Variants in NALCN observed in about 807,000 individuals in gnomAD.
NALCN encodes sodium leak channel NALCN.
Under a neutral mutation model 225.3 loss-of-function variants are expected in NALCN, and 111 were observed. The ratio of observed to expected loss-of-function variants is 0.49; its 90% CI spans 0.42 to 0.58. NALCN has a LOEUF of 0.58. Ranked by LOEUF, NALCN falls within the 20% of genes least tolerant of loss-of-function variation. The pLI, the probability that NALCN is intolerant of heterozygous loss-of-function variation, is 0.00. For missense variants in NALCN, 1,378 were observed against 2,202.4 expected, an observed-to-expected ratio of 0.63 and a Z score of 7.49; for synonymous variants, 764 against 769.0, an observed-to-expected ratio of 0.99 and a Z score of 0.11.
At chr13:101,062,301 T>G (rs2032018513) in intron 40 of NALCN, among the ~76,000 whole-genome samples, 183 bp from the exon 41 acceptor site, 1 of 152,222 alleles carries the variant, frequency 6.6e-6, no homozygotes, top group Non-Finnish European at 1.5e-5. Flanking sequence ...TTCCCTCGTC[T>G]GTAAAACAAA....
chr13:101,094,260 G>A (rs1415081951), intron 28 of NALCN, among the ~76,000 whole-genome samples: 4 of 152,136 alleles, frequency 2.6e-5, no homozygotes, highest in Non-Finnish European at 4.4e-5. Context: ...CTGCTCTCCA[G>A]ATGGTGATGA....
chr13:101,118,963 G>C (rs1200413108), intron 18 of NALCN, among the ~76,000 whole-genome samples: 1 of 152,202 alleles, frequency 6.6e-6, no homozygotes, highest in African/African-American at 2.4e-5. Flanking sequence ...CGGAGCTGCA[G>C]AGAAATAATA....
At chr13:101,416,652 G>A (rs1213915877), upstream of NALCN, among the ~76,000 whole-genome samples, 1 of 152,240 alleles carries the variant, frequency 6.6e-6, no homozygotes, top group Non-Finnish European at 1.5e-5. Context: ...CACCGCAGAG[G>A]AGGCTGCGCC....
At chr13:101,070,923 C>T (rs774671162) in intron 37 of NALCN, among the ~76,000 whole-genome samples, 40 of 152,108 alleles carry the variant, frequency 2.6e-4, no homozygotes, top group Non-Finnish European at 1.2e-4. Context: ...TTTACAATCA[C>T]GGCGGAAGGG....
intron 18 of NALCN, among the ~76,000 whole-genome samples, chr13:101,122,102 A>G (rs1460100475): frequency 1.3e-5 from 2 of 152,150 alleles, no homozygotes; most frequent in Non-Finnish European, 2.9e-5. Flanking sequence ...GGATCACATT[A>G]TAATGCAGGT....
intron 39 of NALCN, 84 bp from the exon 40 acceptor site, chr13:101,065,645 T>A: frequency 6.7e-7 from 1 of 1,497,504 alleles, no homozygotes; most frequent in Non-Finnish European, 9.0e-7. Flanking sequence ...AAAAAGGTGC[T>A]ATTTCTCAAA....
At chr13:101,181,275 G>C (rs764859966) in intron 14 of NALCN, 18 of 518,844 alleles carry the variant, frequency 3.5e-5, no homozygotes, top group South Asian at 2.4e-4. Context: ...TTGGAGGCTG[G>C]AGAGGAAGGC....
At chr13:101,325,639 T>C (rs1485208130) in intron 7 of NALCN, among the ~76,000 whole-genome samples, 1 of 152,206 alleles carries the variant, frequency 6.6e-6, no homozygotes, top group Non-Finnish European at 1.5e-5. Flanking sequence ...AGGCTAGTGC[T>C]AGCTGCTTTC....
intron 3 of NALCN, among the ~76,000 whole-genome samples, chr13:101,391,053 G>A (rs1310379410): frequency 6.6e-6 from 1 of 151,572 alleles, no homozygotes; most frequent in Non-Finnish European, 1.5e-5. Context: ...AGAACTTAAA[G>A]TATAATAAAA....
intron 6 of NALCN, among the ~76,000 whole-genome samples, chr13:101,367,908 C>T (rs765551535): frequency 2.0e-5 from 3 of 151,914 alleles, no homozygotes; most frequent in Non-Finnish European, 4.4e-5. Flanking sequence ...TCTGCTTTCA[C>T]GGTTTGTCTT....
intron 6 of NALCN, among the ~76,000 whole-genome samples, chr13:101,368,007 T>TTTA (rs1347672081): frequency 6.6e-6 from 1 of 151,390 alleles, no homozygotes; most frequent in Non-Finnish European, 1.5e-5. Context: ...TTTATTTTAT[T>TTTA]TTATTATTAT....
At chr13:101,179,489 T>C (rs1433564939) in intron 14 of NALCN, among the ~76,000 whole-genome samples, 4 of 152,182 alleles carry the variant, frequency 2.6e-5, no homozygotes, top group African/African-American at 9.7e-5. Context: ...GCTGGAAACA[T>C]TATCTTGCTA....
Position 101,095,686 on chromosome 13 carries a change from G to T in NALCN, c.3163-6C>A. The T allele has an allele frequency of 1.2e-6, 2 of 1,604,308 alleles. No homozygotes were observed. Among genetic ancestry groups the T allele is most frequent in the African/African-American group, 1.3e-5 (1 of 74,518 alleles). Reference sequence around the variant, plus strand: ...AATATGCCATTGCAATCTTCCTAAAGTAGAAAAACAAGAGGAGAGGGGAAA... The same window carrying T: ...AATATGCCATTGCAATCTTCCTAAATTAGAAAAACAAGAGGAGAGGGGAAA... On this transcript the variant is annotated splice_polypyrimidine_tract_variant and splice_region_variant and intron_variant, in intron 27 of 43. Transcript: ENST00000251127.
intron 13 of NALCN, among the ~76,000 whole-genome samples, chr13:101,205,138 T>C (rs1026813874): frequency 6.6e-6 from 1 of 152,134 alleles, no homozygotes; most frequent in African/African-American, 2.4e-5. Context: ...CTTTCCATTA[T>C]TAAAATTAAT....
intron 6 of NALCN, among the ~76,000 whole-genome samples, chr13:101,356,657 G>C (rs1566611188): frequency 6.6e-6 from 1 of 152,166 alleles, no homozygotes; most frequent in Non-Finnish European, 1.5e-5. Context: ...GAATTGAAAA[G>C]GAGGGACTCC....
At chr13:101,316,211 C>T (rs2044548814) in intron 7 of NALCN, among the ~76,000 whole-genome samples, 1 of 152,202 alleles carries the variant, frequency 6.6e-6, no homozygotes, top group Non-Finnish European at 1.5e-5. Context: ...TCCTCTTCCT[C>T]TCCCACACAG....
Position 101,292,126 on chromosome 13 carries a change from G to T in NALCN, c.943-32C>A. ...AAAATCACAAACCACATTTACCAAA[G>T]TCTAAGAATGACAAAGCAGAGGGCA... On this transcript the variant is annotated intron_variant, in intron 8 of 43. Transcript: ENST00000251127. This position sits in a 1 kb window ranked among gnomAD's most constrained non-coding sequence, Gnocchi z 4.3. 6.2e-7 allele frequency: 1 copy of T among 1,612,904 alleles called. No individual in the cohort carries two copies. Among genetic ancestry groups the T allele is most frequent in the Non-Finnish European group, 8.5e-7 (1 of 1,179,268 alleles).
chr13:101,343,584 G>A (rs1289694474), intron 7 of NALCN, among the ~76,000 whole-genome samples: 1 of 152,180 alleles, frequency 6.6e-6, no homozygotes, highest in Non-Finnish European at 1.5e-5. Context: ...CTGTGCCCTG[G>A]AGACTTGAAG....
Position 101,243,254 on chromosome 13 carries a change from A to AT in NALCN, c.1267-5333dup, listed in dbSNP as rs2041804927. ...TTATATCTCTACCACTTTTTGAGTT[A>AT]TTTTTTCCTGCTTCATCTCCCATAT... On this transcript the variant is annotated intron_variant, in intron 11 of 43. Transcript: ENST00000251127. Among the ~76,000 whole-genome samples, 2 of 102,632 alleles carry AT rather than the reference A, an allele frequency of 1.9e-5. 1 individual carries two copies. Among genetic ancestry groups the AT allele is most frequent in the South Asian group, 6.6e-4 (2 of 3,038 alleles). The allele number at this position is 102,632 out of a possible 152,430, so 67.3% of individuals were successfully genotyped here.
Sources: gnomAD v4.1 joint callset for allele counts (sites outside exome capture counted in the v4.1 genomes callset) on GRCh38, gnomAD v4.1.1 for gene constraint, Gnocchi (gnomAD v3.1) non-coding constraint, MANE v1.5 for transcripts, NCBI Gene and HGNC (gene_info 2026-07-23, HGNC 2026-07-21) for gene names.